The following CPS1 variants were observed in gnomAD, a reference collection of about 807,000 sequenced individuals.
The protein encoded by CPS1 is carbamoyl-phosphate synthase 1.
A neutral mutation model predicts 174.6 loss-of-function variants in CPS1; 109 were observed. That is an observed-to-expected ratio of 0.62 (90% CI 0.53 to 0.73). The LOEUF is 0.73. Ranked by LOEUF, CPS1 falls within the 30% of genes least tolerant of loss-of-function variation. The probability of loss-of-function intolerance (pLI) is 0.00; values close to 1 mark genes in which losing one functional copy is unlikely to be tolerated. For missense variants in CPS1, 1,689 were observed against 1,821.9 expected (o/e 0.93, Z 1.33); for synonymous variants, 637 against 632.0 (o/e 1.01, Z -0.12).
At chr2:210,638,761 C>T (rs1321357065) in intron 22 of CPS1, among the ~76,000 whole-genome samples, 5 of 152,122 alleles carry the variant, frequency 3.3e-5, no homozygotes, top group South Asian at 4.1e-4. Context: ...TTAAATCCTG[C>T]GCATTAATTT....
At chr2:210,628,864 G>C (rs766350279) in intron 21 of CPS1, among the ~76,000 whole-genome samples, 1 of 152,048 alleles carries the variant, frequency 6.6e-6, no homozygotes, top group Non-Finnish European at 1.5e-5. Flanking sequence ...GTCAAAGAAA[G>C]ATATATTGAA....
At chr2:210,579,617 C>A in intron 4 of CPS1, 97 bp from the exon 5 acceptor site, 2 of 907,134 alleles carry the variant, frequency 2.2e-6, no homozygotes, top group Non-Finnish European at 3.7e-6. Flanking sequence ...TTATTTACTG[C>A]TCAAGAAGAT....
In CPS1 at chr2:210,606,766, T is replaced by G. The variant is rs1182646422; in HGVS notation, c.2017T>G (p.Ser673Ala). Reference sequence around the variant, plus strand: ...TGTTGTGGCTCCTGCCCAGACACTCTCCAATGCCGAGTTTCAGATGTTGAG... The same window carrying G: ...TGTTGTGGCTCCTGCCCAGACACTCGCCAATGCCGAGTTTCAGATGTTGAG... ...SVVVAPAQTL[S>A]NAEFQMLRRT... Residue 673 changes from serine (S) to alanine (A), a missense_variant, in exon 18 of 38, where the codon TCC becomes GCC. By Grantham distance (99) the Ser-to-Ala change is moderately conservative. Coordinates refer to ENST00000233072, the MANE Select transcript of CPS1 (RefSeq NM_001875.5). 6.2e-7 allele frequency: 1 copy of G among 1,612,402 alleles called. No homozygotes were observed. Among genetic ancestry groups the G allele is most frequent in the African/African-American group, 1.3e-5 (1 of 74,810 alleles).
At chr2:210,663,339 A>G in intron 33 of CPS1, 142 bp downstream of exon 33, 2 of 798,286 alleles carry the variant, frequency 2.5e-6, no homozygotes, top group Admixed American at 2.8e-5. Flanking sequence ...TTTTGAATTT[A>G]AAAAATATTT....
chr2:210,608,724 G>A (rs2105853248), intron 19 of CPS1, among the ~76,000 whole-genome samples, 165 bp downstream of exon 19: 1 of 151,996 alleles, frequency 6.6e-6, no homozygotes, highest in Non-Finnish European at 1.5e-5. Context: ...ATACTAATAT[G>A]CTAACAGTCT....
At chr2:210,540,824 A>G (rs1470671213) in intron 1 of CPS1, among the ~76,000 whole-genome samples, 2 of 152,178 alleles carry the variant, frequency 1.3e-5, no homozygotes, top group Admixed American at 6.5e-5. Flanking sequence ...ACTTTGTATT[A>G]TTTTAAACTT....
chr2:210,580,168 G>A (rs1365772279), intron 5 of CPS1, among the ~76,000 whole-genome samples: 1 of 152,152 alleles, frequency 6.6e-6, no homozygotes, highest in Non-Finnish European at 1.5e-5. Context: ...TACACTCCAG[G>A]AAGTGTACAG....
chr2:210,604,930 C>T (rs1698853353), intron 16 of CPS1, 172 bp from the exon 17 acceptor site: 1 of 670,592 alleles, frequency 1.5e-6, no homozygotes, highest in South Asian at 1.8e-5. Context: ...GATGCTATTC[C>T]TAGTACCTCA....
rs1391357751 is a variant in CPS1, at chr2:210,648,504, A to T, written c.3368A>T (p.Asp1123Val). The part of the protein sequence containing the change: ...NEALEFAKSV[D>V]YPCLLRPSYV... ...GCACTGGAATTTGCAAAGTCTGTGG[A>T]CTACCCCTGCTTGTTGAGGCCTTCC... The change falls in exon 27 of 38, where the codon GAC becomes GTC. Residue 1123 changes from aspartate to valine, a missense_variant. Physicochemically the swap from Asp to Val is radical, Grantham distance 152 (BLOSUM62 -3). Coordinates refer to ENST00000233072, the MANE Select transcript of CPS1 (RefSeq NM_001875.5). 2 of 1,613,520 alleles carry T rather than the reference A, an allele frequency of 1.2e-6. No individual in the cohort carries two copies. The highest frequency in any genetic ancestry group is 3.3e-5 in the Admixed American group (2 of 60,014).
chr2:210,659,707 G>A (rs1316785617), intron 31 of CPS1, among the ~76,000 whole-genome samples: 2 of 152,160 alleles, frequency 1.3e-5, no homozygotes, highest in African/African-American at 4.8e-5. Flanking sequence ...ATTTAGTGAA[G>A]GTTGGGAAGA....
chr2:210,478,142 T>A (rs533241080), intron 1 of CPS1, among the ~76,000 whole-genome samples: 1 of 152,358 alleles, frequency 6.6e-6, no homozygotes, highest in Admixed American at 6.5e-5. Context: ...GATTCTGTAC[T>A]TAATTTCCCC....
intron 1 of CPS1, among the ~76,000 whole-genome samples, chr2:210,487,705 G>A (rs1199309037): frequency 1.4e-5 from 2 of 139,648 alleles, no homozygotes; most frequent in South Asian, 2.3e-4. Context: ...TTTTTAAAGC[G>A]AAATCTGATT....
intron 21 of CPS1, among the ~76,000 whole-genome samples, chr2:210,624,825 T>G (rs1462553297): frequency 2.6e-5 from 4 of 152,056 alleles, no homozygotes; most frequent in South Asian, 2.1e-4. Flanking sequence ...CAGAGTAATA[T>G]TCAGATGACT....
At chr2:210,672,694 C>T (rs1408857229) in intron 34 of CPS1, 1 of 152,070 alleles carries the variant, frequency 6.6e-6, no homozygotes, top group African/African-American at 2.4e-5. Flanking sequence ...CATCTAAGCT[C>T]ATTTCTTTCT....
chr2:210,541,342 A>T (rs1178872080), intron 1 of CPS1, among the ~76,000 whole-genome samples: 1 of 152,154 alleles, frequency 6.6e-6, no homozygotes, highest in Non-Finnish European at 1.5e-5. Context: ...AAATGCATAT[A>T]ATGTAGCTTG....
chr2:210,514,184 A>G (rs1695609842), intron 1 of CPS1, among the ~76,000 whole-genome samples: 1 of 151,866 alleles, frequency 6.6e-6, no homozygotes, highest in Admixed American at 6.6e-5. Context: ...TTGGTTCCAT[A>G]TGAATTGTAG....
At chr2:210,606,135 G>T (rs1698899241) in intron 17 of CPS1, among the ~76,000 whole-genome samples, 1 of 151,890 alleles carries the variant, frequency 6.6e-6, no homozygotes, top group Non-Finnish European at 1.5e-5. Flanking sequence ...AGTCAGTTCT[G>T]TGAGCTCTAT....
intron 25 of CPS1, among the ~76,000 whole-genome samples, chr2:210,646,712 T>A (rs1700386506): frequency 6.6e-6 from 1 of 152,106 alleles, no homozygotes. Flanking sequence ...GTTTAGTGTT[T>A]AGGCAGGTAT....
In CPS1 at chr2:210,478,914, C is replaced by T. The variant is rs1305923041; in HGVS notation, c.3+1148C>T. On this transcript the variant is annotated intron_variant, in intron 1 of 38. Coordinates refer to the CPS1 transcript ENST00000430249. The stretch of plus-strand genomic sequence containing the variant: ...ATATTTCCCTCCCTCCCTCCCTCCT[C>T]CCCCCTCCCCCCTTCCCCCCTCCCT... 3.7e-4 allele frequency among the ~76,000 whole-genome samples: 14 copies of T among 38,172 alleles called. No individual in the cohort carries two copies. In the South Asian group the frequency reaches 0.03, roughly 82 times the overall value. The allele number at this position is 38,172 out of a possible 152,430, so 25.0% of individuals were successfully genotyped here.
Sources: gnomAD v4.1 joint callset for allele counts (sites outside exome capture counted in the v4.1 genomes callset) on GRCh38, gnomAD v4.1.1 for gene constraint, MANE v1.5 for transcripts, NCBI Gene and HGNC (gene_info 2026-07-23, HGNC 2026-07-21) for gene names.